The following ROR1 variants were observed in gnomAD, a reference collection of about 807,000 sequenced individuals.
ROR1 encodes the protein ROR family WNT receptor 1, also known as inactive tyrosine-protein kinase transmembrane receptor ROR1.
ROR1 carries 19 observed loss-of-function variants against 78.8 expected under a neutral mutation model. The ratio of observed to expected loss-of-function variants is 0.24; its 90% CI spans 0.17 to 0.35. ROR1 has a LOEUF of 0.35. Among genes scored for constraint, ROR1 ranks in the 10% least tolerant of loss-of-function variants. The pLI, the probability that ROR1 is intolerant of heterozygous loss-of-function variation, is 1.00. For missense variants in ROR1, 917 were observed against 1,177.8 expected, an observed-to-expected ratio of 0.78 and a Z score of 3.24; for synonymous variants, 386 against 433.6, an observed-to-expected ratio of 0.89 and a Z score of 1.36.
At chr1:63,867,066 G>A (rs951140850) in intron 1 of ROR1, among the ~76,000 whole-genome samples, 7 of 152,196 alleles carry the variant, frequency 4.6e-5, no homozygotes, top group Admixed American at 4.6e-4. Flanking sequence ...CCATGTAGTA[G>A]CTGCTACACT....
At chr1:64,121,662 A>G (rs1648547772) in intron 4 of ROR1, among the ~76,000 whole-genome samples, 2 of 149,946 alleles carry the variant, frequency 1.3e-5, no homozygotes, top group African/African-American at 4.9e-5. Context: ...AATTGGTCTC[A>G]TTATTGTTTT....
At chr1:63,892,530 A>G (rs779650981) in intron 1 of ROR1, among the ~76,000 whole-genome samples, 2 of 152,120 alleles carry the variant, frequency 1.3e-5, no homozygotes, top group African/African-American at 4.8e-5. Flanking sequence ...TTTATTGTCT[A>G]TTTTACAGAT....
chr1:63,823,354 A>G (rs117999524), intron 1 of ROR1, among the ~76,000 whole-genome samples: 3 of 151,972 alleles, frequency 2.0e-5, no homozygotes, highest in East Asian at 3.9e-4. Context: ...GATTCATTCA[A>G]TGAGTATGGA....
At chr1:64,017,071 C>T (rs834484) in intron 2 of ROR1, among the ~76,000 whole-genome samples, 45,902 of 151,546 alleles carry the variant, frequency 0.3, 7,524 homozygotes, top group South Asian at 0.47. Flanking sequence ...TGCACCATGT[C>T]CAGCTAATTT....
intron 1 of ROR1, among the ~76,000 whole-genome samples, chr1:63,896,350 C>T (rs753747647): frequency 1.3e-5 from 2 of 152,142 alleles, no homozygotes; most frequent in Non-Finnish European, 2.9e-5. Flanking sequence ...GAAAATGTGA[C>T]TAATGACCCC....
intron 4 of ROR1, among the ~76,000 whole-genome samples, chr1:64,099,192 T>G (rs1357638266): frequency 1.3e-5 from 2 of 151,906 alleles, no homozygotes; most frequent in Non-Finnish European, 2.9e-5. Flanking sequence ...CACAAACAAC[T>G]CCCCGAGGCA....
intron 1 of ROR1, among the ~76,000 whole-genome samples, chr1:63,859,111 T>C (rs2100341685): frequency 6.6e-6 from 1 of 152,138 alleles, no homozygotes; most frequent in Admixed American, 6.5e-5. Context: ...TCCTGGTGTG[T>C]TTCTGTCCTC....
At chr1:63,833,778 G>T (rs958786962) in intron 1 of ROR1, among the ~76,000 whole-genome samples, 1 of 151,644 alleles carries the variant, frequency 6.6e-6, no homozygotes, top group Non-Finnish European at 1.5e-5. Flanking sequence ...CTGCTTGCCT[G>T]CTTGCGTTTT....
intron 1 of ROR1, among the ~76,000 whole-genome samples, chr1:63,984,346 C>T (rs931763254): frequency 2.0e-5 from 3 of 152,196 alleles, no homozygotes; most frequent in South Asian, 2.1e-4. Flanking sequence ...ATACTGCCCT[C>T]CCCCAATAAA....
intron 4 of ROR1, among the ~76,000 whole-genome samples, chr1:64,089,207 C>T (rs17126199): frequency 0.19 from 18,614 of 98,432 alleles, 1,266 homozygotes; most frequent in African/African-American, 0.29. Flanking sequence ...GTAAAATAAT[C>T]GAACCAGTAT....
chr1:63,951,396 A>C (rs542049775), intron 1 of ROR1, among the ~76,000 whole-genome samples: 1 of 152,316 alleles, frequency 6.6e-6, no homozygotes, highest in South Asian at 2.1e-4. Flanking sequence ...TAAGCAACTA[A>C]ATGAAATACT....
chr1:63,901,178 A>G (rs951743171), intron 1 of ROR1, among the ~76,000 whole-genome samples: 36 of 152,172 alleles, frequency 2.4e-4, no homozygotes, highest in African/African-American at 8.7e-4. Flanking sequence ...AAAGACTGAC[A>G]TGGTGCATGA....
chr1:63,989,571 C>G (rs2100518957), intron 1 of ROR1, among the ~76,000 whole-genome samples: 1 of 152,318 alleles, frequency 6.6e-6, no homozygotes, highest in South Asian at 2.1e-4. Context: ...TGACTCTGCT[C>G]TTTACAATGT....
At chr1:63,853,241 A>C (rs1645125352) in intron 1 of ROR1, among the ~76,000 whole-genome samples, 1 of 152,178 alleles carries the variant, frequency 6.6e-6, no homozygotes, top group South Asian at 2.1e-4. Flanking sequence ...CTGGTGATGT[A>C]CTTTATATCA....
chr1:64,144,526 TCTAA>T (rs1649424235), intron 7 of ROR1, among the ~76,000 whole-genome samples: 1 of 152,206 alleles, frequency 6.6e-6, no homozygotes, highest in South Asian at 2.1e-4. Context: ...GTAATAATGA[TCTAA>T]CTGAGTGGCT....
At chr1:63,968,154 C>G (rs544119250) in intron 1 of ROR1, among the ~76,000 whole-genome samples, 1 of 152,100 alleles carries the variant, frequency 6.6e-6, no homozygotes, top group African/African-American at 2.4e-5. Flanking sequence ...AGCTAGTCAT[C>G]CACTTTTAGG....
chr1:63,919,913 C>T (rs1276989124), intron 1 of ROR1, among the ~76,000 whole-genome samples: 1 of 152,252 alleles, frequency 6.6e-6, no homozygotes, highest in Non-Finnish European at 1.5e-5. Flanking sequence ...GTTCAACTAT[C>T]CGGGAAAACT....
intron 6 of ROR1, 101 bp from the exon 7 acceptor site, chr1:64,142,304 G>T (rs560992780): frequency 6.6e-7 from 1 of 1,519,544 alleles, no homozygotes; most frequent in South Asian, 1.3e-5. Flanking sequence ...TGGCCACGAG[G>T]TTAATTACCT....
intron 2 of ROR1, among the ~76,000 whole-genome samples, chr1:64,014,121 A>T (rs1017447959): frequency 6.6e-6 from 1 of 152,200 alleles, no homozygotes; most frequent in Non-Finnish European, 1.5e-5. Flanking sequence ...AACTGAGTGC[A>T]TTCATATCCC....
Sources: gnomAD v4.1 joint callset for allele counts (sites outside exome capture counted in the v4.1 genomes callset) on GRCh38, gnomAD v4.1.1 for gene constraint, MANE v1.5 for transcripts, NCBI Gene and HGNC (gene_info 2026-07-23, HGNC 2026-07-21) for gene names.